SGCD: variants seen among roughly 807,000 people sequenced by gnomAD.
The protein encoded by SGCD is delta-sarcoglycan.
SGCD carries 18 observed loss-of-function variants against 36.6 expected under a neutral mutation model. The observed-to-expected ratio is 0.49, with a 90% CI of 0.34 to 0.73. The LOEUF is 0.73. Among genes scored for constraint, SGCD ranks in the 30% least tolerant of loss-of-function variants. The pLI is 0.01. For missense variants in SGCD, 387 were observed against 346.7 expected, an observed-to-expected ratio of 1.12 and a Z score of -0.92; for synonymous variants, 133 against 130.6, an observed-to-expected ratio of 1.02 and a Z score of -0.12.
At chr5:156,143,911 C>T (rs1437139889) in intron 3 of SGCD, among the ~76,000 whole-genome samples, 4 of 133,110 alleles carry the variant, frequency 3.0e-5, no homozygotes, top group East Asian at 4.6e-4. Context: ...AAACAGACCC[C>T]GGAGTGTGAT....
At chr5:156,592,931 C>G (rs1259060947) in intron 5 of SGCD, among the ~76,000 whole-genome samples, 2 of 152,168 alleles carry the variant, frequency 1.3e-5, no homozygotes, top group Non-Finnish European at 2.9e-5. Context: ...AAGTACTCAT[C>G]ATGCATTCTT....
At chr5:155,866,102 G>A (rs1755519188), upstream of SGCD, among the ~76,000 whole-genome samples, 1 of 152,128 alleles carries the variant, frequency 6.6e-6, no homozygotes, top group African/African-American at 2.4e-5. Flanking sequence ...AGTACTTTAT[G>A]TATACCACCC....
chr5:156,499,655 G>A (rs188404535), intron 3 of SGCD, among the ~76,000 whole-genome samples: 1 of 152,282 alleles, frequency 6.6e-6, no homozygotes, highest in Admixed American at 6.5e-5. Flanking sequence ...AAAAGGGGAG[G>A]GGTTTGGAAA....
chr5:156,190,645 A>C (rs1423244704), intron 3 of SGCD, among the ~76,000 whole-genome samples: 1 of 152,190 alleles, frequency 6.6e-6, no homozygotes, highest in Non-Finnish European at 1.5e-5. Context: ...ATTATATTTT[A>C]ACAGAGGAGA....
At chr5:156,208,498 A>G (rs1311634525) in intron 3 of SGCD, among the ~76,000 whole-genome samples, 1 of 152,222 alleles carries the variant, frequency 6.6e-6, no homozygotes, top group Non-Finnish European at 1.5e-5. Context: ...GAGCTACATG[A>G]GGATGTGGGT....
chr5:156,496,731 C>G (rs1203443133), intron 3 of SGCD, among the ~76,000 whole-genome samples: 1 of 152,126 alleles, frequency 6.6e-6, no homozygotes, highest in Non-Finnish European at 1.5e-5. Context: ...GCTTGCTTTT[C>G]ACTAGCCAAA....
At chr5:155,816,847 A>C in the SGCD span, among the ~76,000 whole-genome samples, 1 of 152,206 alleles carries the variant, frequency 6.6e-6, no homozygotes, top group Non-Finnish European at 1.5e-5. Flanking sequence ...GCTAAAAAGT[A>C]GTTTGGTTCA....
At chr5:156,504,207 CAA>C (rs112419355) in intron 3 of SGCD, among the ~76,000 whole-genome samples, 11 of 91,974 alleles carry the variant, frequency 1.2e-4, no homozygotes, top group Non-Finnish European at 1.2e-4. Context: ...AGCTCTGTCT[CAA>C]AAAAAAAAAA....
At chr5:155,991,380 G>A (rs1211030344) in intron 1 of SGCD, among the ~76,000 whole-genome samples, 2 of 152,188 alleles carry the variant, frequency 1.3e-5, no homozygotes, top group African/African-American at 2.4e-5. Flanking sequence ...CTCAAGTACC[G>A]AGCTGTTTCT....
chr5:156,451,025 T>C (rs956774524), intron 3 of SGCD, among the ~76,000 whole-genome samples: 1 of 152,026 alleles, frequency 6.6e-6, no homozygotes, highest in Admixed American at 6.6e-5. Context: ...ATGTACTTTC[T>C]TTTTTCCTTT....
chr5:156,504,227 A>T (rs1756590004), intron 3 of SGCD, among the ~76,000 whole-genome samples: 2 of 151,696 alleles, frequency 1.3e-5, no homozygotes, highest in African/African-American at 2.4e-5. Flanking sequence ...AAAAAATTAT[A>T]AAGTACAGAT....
At chr5:156,343,482 T>G (rs1768775777) in intron 2 of SGCD, among the ~76,000 whole-genome samples, 1 of 152,248 alleles carries the variant, frequency 6.6e-6, no homozygotes, top group African/African-American at 2.4e-5. Flanking sequence ...TGTAGTACTT[T>G]GTTATTTTCC....
chr5:156,032,593 C>T (rs13436656), intron 1 of SGCD, among the ~76,000 whole-genome samples: 1,745 of 149,876 alleles, frequency 0.012, 14 homozygotes, highest in African/African-American at 0.028. Context: ...TGGCAGGCGC[C>T]GGTATTCTCA....
intron 3 of SGCD, among the ~76,000 whole-genome samples, chr5:156,149,921 A>G (rs67331625): frequency 0.36 from 54,026 of 152,082 alleles, 9,873 homozygotes; most frequent in Admixed American, 0.43. Context: ...CCAGTTTACA[A>G]CTGAAGACTT....
rs371977407 is a variant in SGCD at position 156,059,590 on chromosome 5, C to T, written c.-281-58288C>T. 3.6e-4 allele frequency among the ~76,000 whole-genome samples: 52 copies of T among 144,806 alleles called. 6 individuals are homozygous for T. The highest frequency in any genetic ancestry group is 1.2e-3 in the African/African-American group (47 of 39,386). The allele number at this position is 144,806 out of a possible 152,430, so 95.0% of individuals were successfully genotyped here. A position where few individuals can be genotyped will look rare whatever the true frequency, so the allele number is the denominator to read the frequency against. ...AAGATAGTGTGGTGTTTTTAAGGCC[C>T]GCTGGCTTTGAAGGTAACACAGTTT... On this transcript the variant is annotated intron_variant, in intron 1 of 9. Transcript: ENST00000517913.
the SGCD span, among the ~76,000 whole-genome samples, chr5:155,861,918 A>G: frequency 6.6e-6 from 1 of 152,188 alleles, no homozygotes; most frequent in Admixed American, 6.5e-5. Context: ...TGTGCTTTAC[A>G]GAAGAGTCCC....
chr5:156,647,552 T>C lies in SGCD; in HGVS notation c.575+16T>C. The C allele has an allele frequency of 6.6e-7, 1 of 1,524,998 alleles. No individual in the cohort carries two copies. Among genetic ancestry groups the C allele is most frequent in the Non-Finnish European group, 8.9e-7 (1 of 1,117,930 alleles). The allele number at this position is 1,524,998 out of a possible 1,614,324, so 94.5% of individuals were successfully genotyped here. A position where few individuals can be genotyped will look rare whatever the true frequency, so the allele number is the denominator to read the frequency against. ...AAGAACTAAGGTAAACTTCTGACTTTGGTTTGCATTGATTAATGGCTATTG... is the reference window on the plus strand; with the variant it reads ...AAGAACTAAGGTAAACTTCTGACTTCGGTTTGCATTGATTAATGGCTATTG... On this transcript the variant is annotated intron_variant, in intron 7 of 8. Coordinates refer to ENST00000337851, the MANE Select transcript of SGCD (RefSeq NM_000337.6).
At position 156,378,195 on chromosome 5, in the gene SGCD, A is replaced by C. The variant is rs148599823; in HGVS notation, c.192+33518A>C. 4.1e-3 allele frequency among the ~76,000 whole-genome samples: 626 copies of C among 152,308 alleles called. 8 individuals carry two copies. Among genetic ancestry groups the C allele is most frequent in the African/African-American group, 0.013 (559 of 41,566 alleles). On this transcript the variant is annotated intron_variant, in intron 3 of 8. Transcript: ENST00000337851. ...AAAAGTAAATTCTGACCTGTTTTGC[A>C]ACATGGACAAAACTTGAATATTTTA...
At chr5:155,773,538 C>T in the SGCD span, among the ~76,000 whole-genome samples, 3 of 152,050 alleles carry the variant, frequency 2.0e-5, no homozygotes, top group Non-Finnish European at 4.4e-5. Context: ...AGGCCTGGTA[C>T]TGAGTATGTA....
Sources: gnomAD v4.1 joint callset for allele counts (sites outside exome capture counted in the v4.1 genomes callset) on GRCh38, gnomAD v4.1.1 for gene constraint, MANE v1.5 for transcripts, NCBI Gene and HGNC (gene_info 2026-07-23, HGNC 2026-07-21) for gene names.